CCDC85A: variants seen among roughly 807,000 people sequenced by gnomAD.
CCDC85A encodes coiled-coil domain containing 85A, also known as coiled-coil domain-containing protein 85A.
Under a neutral mutation model 50.2 loss-of-function variants are expected in CCDC85A, and 38 were observed. The observed-to-expected ratio is 0.76, with a 90% CI of 0.58 to 0.99. The LOEUF (loss-of-function observed/expected upper bound fraction) is 0.99, where lower values mean the gene tolerates loss of function less well. Ranked by LOEUF, CCDC85A falls within the 50% of genes least tolerant of loss-of-function variation. CCDC85A has a pLI of 0.00. For missense variants in CCDC85A, 820 were observed against 742.0 expected (o/e 1.11, Z -1.22); for synonymous variants, 366 against 301.4 (o/e 1.21, Z -2.22).
intron 2 of CCDC85A, among the ~76,000 whole-genome samples, chr2:56,255,045 C>A (rs1669923242): frequency 6.6e-6 from 1 of 152,120 alleles, no homozygotes; most frequent in Non-Finnish European, 1.5e-5. Flanking sequence ...TGAAGGCTTC[C>A]CTCTCTGAGC....
At chr2:56,349,702 A>C (rs1674811493) in intron 3 of CCDC85A, among the ~76,000 whole-genome samples, 1 of 152,236 alleles carries the variant, frequency 6.6e-6, no homozygotes, top group Non-Finnish European at 1.5e-5. Context: ...TGCTGATTAA[A>C]CATATTAGTA....
At chr2:56,351,187 A>AT (rs1674914697) in intron 3 of CCDC85A, among the ~76,000 whole-genome samples, 2 of 151,470 alleles carry the variant, frequency 1.3e-5, no homozygotes, top group South Asian at 2.1e-4. Context: ...TGAACTCATC[A>AT]TTTTTTATGG....
chr2:56,330,038 G>A (rs1230955182), intron 2 of CCDC85A, among the ~76,000 whole-genome samples: 1 of 135,242 alleles, frequency 7.4e-6, no homozygotes, highest in South Asian at 2.4e-4. Context: ...ACTTAAAGAG[G>A]GCCACATACA....
At chr2:56,319,041 C>G (rs1673046676) in intron 2 of CCDC85A, among the ~76,000 whole-genome samples, 1 of 152,062 alleles carries the variant, frequency 6.6e-6, no homozygotes, top group African/African-American at 2.4e-5. Context: ...GTAAAGCAAG[C>G]AACCATCTCT....
intron 2 of CCDC85A, among the ~76,000 whole-genome samples, chr2:56,205,712 A>G (rs938185602): frequency 2.6e-4 from 40 of 152,150 alleles, no homozygotes; most frequent in African/African-American, 9.7e-4. Context: ...CCATGTGTGG[A>G]TGAGAGATTG....
At chr2:56,249,716 G>A (rs74410040) in intron 2 of CCDC85A, among the ~76,000 whole-genome samples, 2,156 of 152,222 alleles carry the variant, frequency 0.014, 49 homozygotes, top group African/African-American at 0.047. Context: ...ATTTGCAGAG[G>A]GGCTGGTCTC....
intron 2 of CCDC85A, among the ~76,000 whole-genome samples, chr2:56,296,513 A>T (rs1671956198): frequency 6.6e-6 from 1 of 152,088 alleles, no homozygotes; most frequent in East Asian, 1.9e-4. Flanking sequence ...ACTTACATGG[A>T]GGTGATCCCT....
At position 56,367,600 on chromosome 2, in the gene CCDC85A, C is replaced by T. The variant is rs1675862066; in HGVS notation, c.1318-4744C>T. On this transcript the variant is annotated intron_variant, in intron 3 of 5. Transcript: ENST00000407595. ...GCATTTTAAGATATTTGGCAACATC[C>T]TTGGCCTCTACCCACTAAATGCCAG... Among the ~76,000 whole-genome samples, 2 of 152,118 alleles carry T rather than the reference C, an allele frequency of 1.3e-5. 1 individual carries two copies. The highest frequency in any genetic ancestry group is 1.3e-4 in the Admixed American group (2 of 15,268).
chr2:56,363,935 A>G (rs1283295327), intron 3 of CCDC85A, among the ~76,000 whole-genome samples: 1 of 152,206 alleles, frequency 6.6e-6, no homozygotes, highest in Non-Finnish European at 1.5e-5. Context: ...AAGTATTCAG[A>G]TATGTTCTCA....
chr2:56,266,588 C>CCCG (rs1041150752), intron 2 of CCDC85A, among the ~76,000 whole-genome samples: 3 of 134,604 alleles, frequency 2.2e-5, no homozygotes, highest in Admixed American at 2.2e-4. Flanking sequence ...GCCCCCCCCC[C>CCCG]CCATAATCTT....
At chr2:56,299,754 C>T (rs1019557402) in intron 2 of CCDC85A, among the ~76,000 whole-genome samples, 6 of 152,156 alleles carry the variant, frequency 3.9e-5, no homozygotes, top group East Asian at 3.9e-4. Flanking sequence ...AGCAAAAAGA[C>T]GATTAAATAA....
intron 2 of CCDC85A, among the ~76,000 whole-genome samples, chr2:56,238,178 G>C (rs1174248486): frequency 6.6e-6 from 1 of 152,136 alleles, no homozygotes; most frequent in Non-Finnish European, 1.5e-5. Context: ...CACTTTGGGA[G>C]GCCGAGGTGG....
In CCDC85A at chr2:56,225,858, C is replaced by T. The variant is rs1045158700; in HGVS notation, c.1240+32418C>T. Reference sequence around the variant, plus strand: ...TGTCTCAAGGCTTCATAGCGTAAATCTCCTGCTTTTTGTGTGTAAAAATCC... The same window carrying T: ...TGTCTCAAGGCTTCATAGCGTAAATTTCCTGCTTTTTGTGTGTAAAAATCC... On this transcript the variant is annotated intron_variant, in intron 2 of 5. Coordinates refer to ENST00000407595, the MANE Select transcript of CCDC85A (RefSeq NM_001080433.2). Among the ~76,000 whole-genome samples, 6 of 152,156 alleles carry T rather than the reference C, an allele frequency of 3.9e-5. No individual in the cohort carries two copies. The East Asian group carries it at 1.2e-3, about 29-fold the overall frequency.
chr2:56,218,277 C>G (rs1362043807), intron 2 of CCDC85A, among the ~76,000 whole-genome samples: 1 of 151,714 alleles, frequency 6.6e-6, no homozygotes, highest in Non-Finnish European at 1.5e-5. Flanking sequence ...TAAAGCAGAA[C>G]TATATATGTA....
intron 2 of CCDC85A, among the ~76,000 whole-genome samples, chr2:56,204,006 A>T (rs1676854362): frequency 6.6e-6 from 1 of 152,172 alleles, no homozygotes; most frequent in South Asian, 2.1e-4. Flanking sequence ...TTAGTACACC[A>T]TCAACCTCTG....
At chr2:56,188,525 C>A (rs36015681) in intron 1 of CCDC85A, among the ~76,000 whole-genome samples, 69,773 of 151,994 alleles carry the variant, frequency 0.46, 16,238 homozygotes, top group African/African-American at 0.5. Flanking sequence ...AAGTATTTTC[C>A]TATGAAAATT....
intron 2 of CCDC85A, among the ~76,000 whole-genome samples, chr2:56,279,189 T>C (rs980236475): frequency 5.3e-5 from 8 of 152,192 alleles, no homozygotes; most frequent in Non-Finnish European, 1.0e-4. Context: ...TGGCTAGTAT[T>C]ATCTTCTCAA....
chr2:56,276,568 TTCTC>T (rs1670955609), intron 2 of CCDC85A, among the ~76,000 whole-genome samples: 2 of 152,144 alleles, frequency 1.3e-5, no homozygotes, highest in South Asian at 4.2e-4. Context: ...TTGGCTCTCA[TTCTC>T]TCTCTTGCCG....
At chr2:56,197,416 G>T (rs1168070582) in intron 2 of CCDC85A, among the ~76,000 whole-genome samples, 2 of 152,054 alleles carry the variant, frequency 1.3e-5, no homozygotes, top group Non-Finnish European at 2.9e-5. Context: ...CAAAACCATT[G>T]CTTTAGAGCA....
Sources: allele counts gnomAD v4.1 joint callset (sites outside exome capture counted in the v4.1 genomes callset), GRCh38; gene constraint gnomAD v4.1.1; transcripts MANE v1.5; gene names NCBI Gene and HGNC (gene_info 2026-07-23, HGNC 2026-07-21).